NELFB: variants seen among roughly 807,000 people sequenced by gnomAD.
The protein encoded by NELFB is negative elongation factor B.
NELFB carries 34 observed loss-of-function variants against 60.2 expected under a neutral mutation model. That is an observed-to-expected ratio of 0.56 (90% CI 0.43 to 0.75). NELFB has a LOEUF of 0.75. Among genes scored for constraint, NELFB ranks in the 30% least tolerant of loss-of-function variants. The pLI is 0.00. For synonymous variants in NELFB, 459 were observed against 382.1 expected (o/e 1.20, Z -2.35); for missense variants, 770 against 831.6 (o/e 0.93, Z 0.91).
At chr9:137,258,363 A>G (rs972205112) in intron 4 of NELFB, among the ~76,000 whole-genome samples, 1 of 150,944 alleles carries the variant, frequency 6.6e-6, no homozygotes, top group African/African-American at 2.4e-5. Context: ...GGCTCAAGTA[A>G]TCTGTCTGCA....
At chr9:137,261,061 A>AT (rs1186036699) in intron 4 of NELFB, among the ~76,000 whole-genome samples, 2 of 141,316 alleles carry the variant, frequency 1.4e-5, no homozygotes, top group Non-Finnish European at 3.1e-5. Flanking sequence ...CAAAAAAAAA[A>AT]GCTGGGCGCA....
chr9:137,262,983 G>C (rs1488389595), intron 4 of NELFB, 54 bp from the exon 5 acceptor site: 18 of 1,581,154 alleles, frequency 1.1e-5, no homozygotes, highest in East Asian at 2.3e-5. Flanking sequence ...TGACGTCCCT[G>C]TGTCTGGCGG....
chr9:137,268,415 C>T (rs1270158008), intron 10 of NELFB, among the ~76,000 whole-genome samples: 4 of 152,146 alleles, frequency 2.6e-5, no homozygotes, highest in African/African-American at 9.7e-5. Flanking sequence ...GAAACCCTGT[C>T]TCTACTAAAA....
chr9:137,266,079 G>A lies in NELFB; in HGVS notation c.1143+100G>A, dbSNP rs1178656720. 8.2e-6 allele frequency: 8 copies of A among 974,716 alleles called. No individual in the cohort carries two copies. The Admixed American group carries it at 1.6e-4, about 20-fold the overall frequency. The allele number at this position is 974,716 out of a possible 1,614,324, so 60.4% of individuals were successfully genotyped here. ...GGACAGCAGCGGCCAGGTGGAGGCA[G>A]CTGTTGGGGCCCTGTGGCCGCCCTG... is the stretch of plus-strand genomic sequence containing the variant. On this transcript the variant is annotated intron_variant, in intron 7 of 12. Coordinates refer to ENST00000343053, the MANE Select transcript of NELFB (RefSeq NM_015456.5).
At chr9:137,271,929 A>T in intron 10 of NELFB, 152 bp from the exon 11 acceptor site, 1 of 931,974 alleles carries the variant, frequency 1.1e-6, no homozygotes, top group Non-Finnish European at 1.6e-6. Flanking sequence ...CCCCCTCTTC[A>T]CCTGCTGAGA....
In NELFB at chr9:137,269,065, G is replaced by T. The variant is rs1321802036; in HGVS notation, c.1489+1719G>T. On this transcript the variant is annotated intron_variant, in intron 10 of 12. Transcript: ENST00000343053. The surrounding 1 kb of genome is among the most constrained non-coding windows in gnomAD (Gnocchi z 5.3). ...TGCGTTGGGGATCAGGTTTCCGATG[G>T]TGAACTTGGGGACACGTCCACACCA... is the stretch of plus-strand genomic sequence containing the variant. Among the ~76,000 whole-genome samples, 1 of 151,844 alleles carries T rather than the reference G, an allele frequency of 6.6e-6. No individual in the cohort carries two copies. Among genetic ancestry groups the T allele is most frequent in the African/African-American group, 2.4e-5 (1 of 41,334 alleles).
intron 4 of NELFB, among the ~76,000 whole-genome samples, chr9:137,257,664 G>A (rs1319402488): frequency 2.6e-5 from 4 of 151,836 alleles, no homozygotes; most frequent in Admixed American, 6.6e-5. Context: ...CACCACGCCC[G>A]GCTAATTTTG....
chr9:137,257,148 G>A, intron 4 of NELFB, 94 bp downstream of exon 4: 1 of 1,081,222 alleles, frequency 9.2e-7, no homozygotes, highest in South Asian at 1.5e-5. Flanking sequence ...CTGCTGCCCT[G>A]TGAATGATCG....
Position 137,256,437 on chromosome 9 carries a change from C to G in NELFB, c.510+9C>G, listed in dbSNP as rs761509041. The G allele has an allele frequency of 6.2e-7, 1 of 1,610,906 alleles. No homozygotes were observed. The highest frequency in any genetic ancestry group is 1.1e-5 in the South Asian group (1 of 90,990). On this transcript the variant is annotated intron_variant, in intron 3 of 12. Coordinates refer to ENST00000343053, the MANE Select transcript of NELFB (RefSeq NM_015456.5). ...TGAAGCACCTGCCCAAGGTAGGGCC[C>G]TAACCCTAACCCTGATGGCGTGGAC... is the stretch of plus-strand genomic sequence containing the variant.
chr9:137,261,233 G>T (rs1039617900), intron 4 of NELFB, among the ~76,000 whole-genome samples: 6 of 150,918 alleles, frequency 4.0e-5, no homozygotes, highest in African/African-American at 1.2e-4. Context: ...CCAGCTGCTC[G>T]GGAGGCCGAG....
rs142855044 is a variant in NELFB, at chr9:137,270,090, C to T, written c.1490-1991C>T. 9.2e-5 allele frequency among the ~76,000 whole-genome samples: 14 copies of T among 152,192 alleles called. No homozygotes were observed. In the South Asian group the frequency reaches 2.5e-3, roughly 27 times the overall value. On this transcript the variant is annotated intron_variant, in intron 10 of 12. Coordinates refer to ENST00000343053, the MANE Select transcript of NELFB (RefSeq NM_015456.5). ...GGTCCACGTGGGGTCTGCGTGTGGC[C>T]GCCTGTCCCTCAGCACGATGTCTGG... is the stretch of plus-strand genomic sequence containing the variant.
chr9:137,261,453 T>C lies in NELFB; in HGVS notation c.742-1584T>C, dbSNP rs373518387. On this transcript the variant is annotated intron_variant, in intron 4 of 12. Transcript: ENST00000343053. ...TGGGTGGATCACCTGAGCTCAGAAGTTCAAGACCAGCCCGGGCAACATGGT... is the reference window on the plus strand; with the variant it reads ...TGGGTGGATCACCTGAGCTCAGAAGCTCAAGACCAGCCCGGGCAACATGGT... 1.0e-3 allele frequency among the ~76,000 whole-genome samples: 154 copies of C among 149,972 alleles called. No homozygotes were observed. The Middle Eastern group carries it at 0.021, about 21-fold the overall frequency.
At chr9:137,258,823 A>C (rs1041187298) in intron 4 of NELFB, among the ~76,000 whole-genome samples, 1 of 152,074 alleles carries the variant, frequency 6.6e-6, no homozygotes, top group African/African-American at 2.4e-5. Context: ...TTCAGCATCC[A>C]CATTAAGAAA....
In NELFB at chr9:137,272,626, G is replaced by C. The variant is rs372024826; in HGVS notation, c.1740+11G>C. ...GAGCCTACAGGCCAGGTGGGTGCCC[G>C]GGGGGGCTGCATCTGAAGGCACCTG... is the stretch of plus-strand genomic sequence containing the variant. On this transcript the variant is annotated intron_variant, in intron 12 of 12. Transcript: ENST00000343053. The C allele has an allele frequency of 5.7e-6, 9 of 1,571,776 alleles. No homozygotes were observed. The highest frequency in any genetic ancestry group is 1.2e-5 in the South Asian group (1 of 86,418).
chr9:137,267,336 G>T lies in NELFB; in HGVS notation c.1479G>T (p.Leu493=). ...ACAAGAACGCGCTCCTCCGCCTGCT[G>T]CCCGGGCTGGGTAAGTCCTGACGGG... Residue 493 remains leucine, a synonymous_variant, in exon 10 of 13, where the codon CTG becomes CTT. Transcript: ENST00000343053. The T allele has an allele frequency of 1.2e-6, 2 of 1,608,288 alleles. No individual in the cohort carries two copies. Among genetic ancestry groups the T allele is most frequent in the Non-Finnish European group, 1.7e-6 (2 of 1,177,570 alleles).
In NELFB at chr9:137,266,955, C is replaced by T. The variant is rs1830525675; in HGVS notation, c.1251C>T (p.Leu417=). 7.4e-6 allele frequency: 12 copies of T among 1,613,472 alleles called. No homozygotes were observed. The highest frequency in any genetic ancestry group is 2.7e-5 in the African/African-American group (2 of 74,904). Reference sequence around the variant, plus strand: ...TCCCCTCCTCGTAGGAGGTAGAGCTCATCACCAGGTTCCTCCCGATGCTCA... The same window carrying T: ...TCCCCTCCTCGTAGGAGGTAGAGCTTATCACCAGGTTCCTCCCGATGCTCA... The change falls in exon 9 of 13, where the codon CTC becomes CTT. Residue 417 remains leucine (L), a synonymous_variant. Coordinates refer to ENST00000343053, the MANE Select transcript of NELFB (RefSeq NM_015456.5).
chr9:137,262,728 G>A (rs1337661619), intron 4 of NELFB, among the ~76,000 whole-genome samples: 3 of 152,328 alleles, frequency 2.0e-5, no homozygotes, highest in Non-Finnish European at 2.9e-5. Flanking sequence ...CTACTTGGGA[G>A]GCTGAGGCAG....
intron 10 of NELFB, among the ~76,000 whole-genome samples, chr9:137,271,080 C>T (rs1454093008): frequency 6.6e-6 from 1 of 152,274 alleles, no homozygotes; most frequent in Non-Finnish European, 1.5e-5. Flanking sequence ...GATGCGCCTG[C>T]TGTCCCCTCT....
chr9:137,272,733 C>G (rs896268546), intron 12 of NELFB, 49 bp from the exon 13 acceptor site: 3 of 1,521,476 alleles, frequency 2.0e-6, no homozygotes, highest in Non-Finnish European at 8.9e-7. Context: ...CCTGTGCCCC[C>G]TGGGCCTGCC....
Sources: allele counts gnomAD v4.1 joint callset (sites outside exome capture counted in the v4.1 genomes callset), GRCh38; gene constraint gnomAD v4.1.1; non-coding constraint Gnocchi (gnomAD v3.1); transcripts MANE v1.5; gene names NCBI Gene and HGNC (gene_info 2026-07-23, HGNC 2026-07-21).